The following CASK variants were observed in gnomAD, a reference collection of about 807,000 sequenced individuals.
CASK encodes peripheral plasma membrane protein CASK.
In CASK, 4 loss-of-function variants were observed where a neutral mutation model predicts 82.9. The observed-to-expected ratio is 0.05, with a 90% CI of 0.02 to 0.11. The LOEUF is 0.11. CASK is among the 10% of genes least tolerant of loss of function. CASK has a pLI of 1.00. For synonymous variants in CASK, 259 were observed against 253.5 expected (o/e 1.02, Z -0.20); for missense variants, 358 against 720.9 (o/e 0.50, Z 5.76).
intron 8 of CASK, among the ~76,000 whole-genome samples, chrX:41,650,882 A>C (rs1348053152): frequency 8.9e-6 from 1 of 112,064 alleles, no homozygotes; most frequent in African/African-American, 3.2e-5. Flanking sequence ...GAAATATAAC[A>C]TAAGCCTGCT....
chrX:41,676,537 G>A (rs1227806776), intron 5 of CASK: 32 of 1,107,482 alleles, frequency 2.9e-5, no homozygotes, highest in African/African-American at 1.4e-4. Flanking sequence ...GCCGGCACGC[G>A]GCCTCGCCTG....
At chrX:41,627,729 G>A (rs2066403316) in intron 9 of CASK, among the ~76,000 whole-genome samples, 1 of 112,762 alleles carries the variant, frequency 8.9e-6, no homozygotes, top group Non-Finnish European at 1.9e-5. Flanking sequence ...CGGGCTGGAC[G>A]CGGTGGCTCA....
Position 41,825,781 on chromosome X carries a change from C to G in CASK, c.172+27334G>C, listed in dbSNP as rs1425411540. On this transcript the variant is annotated intron_variant, in intron 2 of 26. Transcript: ENST00000378163. ...CACTTTATAGTTCAAAAGGCAATCA[C>G]TACCTGTTTCCTTATATTATTATTC... Among the ~76,000 whole-genome samples, 3 of 112,165 alleles carry G rather than the reference C, an allele frequency of 2.7e-5. No individual in the cohort carries two copies. The South Asian group carries it at 1.1e-3, about 42-fold the overall frequency.
chrX:41,730,398 AT>A (rs772372974), intron 5 of CASK, among the ~76,000 whole-genome samples: 4 of 110,667 alleles, frequency 3.6e-5, no homozygotes, highest in African/African-American at 3.3e-5. Flanking sequence ...AACCCAGTAA[AT>A]TTTTTTTTCC....
At chrX:41,560,452 C>T (rs960968480) in intron 17 of CASK, among the ~76,000 whole-genome samples, 2 of 105,942 alleles carry the variant, frequency 1.9e-5, no homozygotes, top group Non-Finnish European at 3.9e-5. Context: ...TTAGTAGAGA[C>T]GGGGTTTCAC....
chrX:41,697,236 A>T (rs758092136), intron 5 of CASK: 1 of 124,394 alleles, frequency 8.0e-6, no homozygotes, highest in African/African-American at 3.2e-5. Context: ...TCTCTATAAC[A>T]GATGAAAAGA....
intron 5 of CASK, among the ~76,000 whole-genome samples, chrX:41,682,529 GAA>G (rs869093187): frequency 0.01 from 238 of 23,117 alleles, no homozygotes; most frequent in Non-Finnish European, 0.014. Flanking sequence ...ACTGTCTCAG[GAA>G]AAAAAAAAAA....
At chrX:41,638,032 C>G in intron 8 of CASK, among the ~76,000 whole-genome samples, 1 of 111,787 alleles carries the variant, frequency 8.9e-6, no homozygotes. Context: ...GATTCATATG[C>G]TATAAGCACT....
chrX:41,761,977 A>G (rs2069006991), intron 3 of CASK, among the ~76,000 whole-genome samples: 1 of 112,352 alleles, frequency 8.9e-6, no homozygotes, highest in Non-Finnish European at 1.9e-5. Context: ...AGCTAATAGC[A>G]AAGATTTACT....
At chrX:41,697,653 G>A (rs190386286) in intron 5 of CASK, 1 of 111,759 alleles carries the variant, frequency 8.9e-6, no homozygotes, top group Non-Finnish European at 1.9e-5. Context: ...ATATCATGTA[G>A]CGATGCAATG....
At chrX:41,656,187 T>C (rs930649855) in intron 8 of CASK, among the ~76,000 whole-genome samples, 1 of 112,013 alleles carries the variant, frequency 8.9e-6, no homozygotes, top group Non-Finnish European at 1.9e-5. Flanking sequence ...GACAGGTTTC[T>C]TTTGTATCAT....
intron 3 of CASK, among the ~76,000 whole-genome samples, chrX:41,776,038 T>C (rs2069358055): frequency 9.0e-6 from 1 of 111,029 alleles, no homozygotes; most frequent in Non-Finnish European, 1.9e-5. Flanking sequence ...GGTATAATAA[T>C]AATAAATAAA....
chrX:41,631,084 T>C (rs1409167263), intron 9 of CASK, among the ~76,000 whole-genome samples: 1 of 111,486 alleles, frequency 9.0e-6, no homozygotes, highest in Non-Finnish European at 1.9e-5. Flanking sequence ...AGTCAGGATA[T>C]ATGACTAAAA....
chrX:41,850,914 G>C (rs1286185900), intron 2 of CASK, among the ~76,000 whole-genome samples: 1 of 111,779 alleles, frequency 8.9e-6, no homozygotes, highest in East Asian at 2.8e-4. Context: ...AAGAAAGCTT[G>C]TGTGAACATG....
At chrX:41,772,861 C>T (rs1280101623) in intron 3 of CASK, among the ~76,000 whole-genome samples, 2 of 110,721 alleles carry the variant, frequency 1.8e-5, no homozygotes, top group Non-Finnish European at 3.8e-5. Flanking sequence ...ATTAGCCAGG[C>T]GTGGTGGTGC....
chrX:41,666,373 G>A (rs1480409812), intron 6 of CASK, among the ~76,000 whole-genome samples: 1 of 111,953 alleles, frequency 8.9e-6, no homozygotes, highest in Non-Finnish European at 1.9e-5. Flanking sequence ...GTGGGATGGG[G>A]CACTGCCCAC....
At chrX:41,896,617 C>T (rs1297094936) in intron 1 of CASK, among the ~76,000 whole-genome samples, 1 of 111,602 alleles carries the variant, frequency 9.0e-6, no homozygotes, top group Non-Finnish European at 1.9e-5. Flanking sequence ...ATTTCTTTCT[C>T]AGTTCATTGC....
At chrX:41,666,246 T>C (rs2067115495) in intron 6 of CASK, among the ~76,000 whole-genome samples, 2 of 112,065 alleles carry the variant, frequency 1.8e-5, no homozygotes, top group South Asian at 7.4e-4. Context: ...AAAAATTAGC[T>C]TTCTGTAAGG....
chrX:41,649,359 T>C (rs1402857615), intron 8 of CASK, among the ~76,000 whole-genome samples: 1 of 112,086 alleles, frequency 8.9e-6, no homozygotes, highest in Non-Finnish European at 1.9e-5. Flanking sequence ...GGTGTCAATT[T>C]TAGATCTTTC....
Sources: allele counts gnomAD v4.1 joint callset (sites outside exome capture counted in the v4.1 genomes callset), GRCh38; gene constraint gnomAD v4.1.1; transcripts MANE v1.5; gene names NCBI Gene and HGNC (gene_info 2026-07-23, HGNC 2026-07-21).